The following CCDC15 variants were observed in gnomAD, a reference collection of about 807,000 sequenced individuals.
The protein encoded by CCDC15 is coiled-coil domain-containing protein 15.
A neutral mutation model predicts 114.5 loss-of-function variants in CCDC15; 105 were observed. That is an observed-to-expected ratio of 0.92 (90% CI 0.78 to 1.08). The LOEUF (loss-of-function observed/expected upper bound fraction) is 1.08. CCDC15 is among the 50% of genes least tolerant of loss of function. The pLI is 0.00. For synonymous variants in CCDC15, 334 were observed against 377.8 expected, an observed-to-expected ratio of 0.88 and a Z score of 1.34; for missense variants, 1,105 against 1,093.6, an observed-to-expected ratio of 1.01 and a Z score of -0.15.
intron 13 of CCDC15, among the ~76,000 whole-genome samples, chr11:125,023,069 GACTTATT>G (rs1948672881): frequency 7.2e-5 from 11 of 151,792 alleles, no homozygotes; most frequent in Admixed American, 6.6e-5. Context: ...TGCTTTTGAT[GACTTATT>G]TAACAAGTCT....
At chr11:124,956,805 G>A (rs1947559482) in intron 2 of CCDC15, among the ~76,000 whole-genome samples, 1 of 152,048 alleles carries the variant, frequency 6.6e-6, no homozygotes, top group African/African-American at 2.4e-5. Flanking sequence ...ATCTAGTCTG[G>A]GTATCCACCC....
intron 11 of CCDC15, among the ~76,000 whole-genome samples, chr11:125,000,799 T>G (rs1948466885): frequency 6.6e-6 from 1 of 152,222 alleles, no homozygotes; most frequent in Non-Finnish European, 1.5e-5. Flanking sequence ...TTGTGTTATA[T>G]AAAGTTGTTA....
chr11:124,987,628 CAGGACCAGAATTTTCTACCTA>C lies in CCDC15; in HGVS notation c.1417_1437del (p.Pro474_Leu480del). On this transcript the variant is annotated inframe_deletion, in exon 8 of 16. Coordinates refer to ENST00000344762, the MANE Select transcript of CCDC15 (RefSeq NM_025004.3). ...AGACCAAGATATTCTGCCAAAATAT[CAGGACCAGAATTTTCTACCTA>C]AGGACCAGAATTTTTTATCTAGAGA... 6.2e-7 allele frequency: 1 copy of C among 1,613,972 alleles called. No homozygotes were observed. Among genetic ancestry groups the C allele is most frequent in the Non-Finnish European group, 8.5e-7 (1 of 1,179,898 alleles).
At chr11:125,003,586 T>G (rs1057100332) in intron 11 of CCDC15, among the ~76,000 whole-genome samples, 1 of 152,184 alleles carries the variant, frequency 6.6e-6, no homozygotes, top group African/African-American at 2.4e-5. Context: ...AAGTGACCAC[T>G]TTAAAAGAAT....
chr11:124,959,058 C>T, intron 2 of CCDC15, 57 bp from the exon 3 acceptor site: 2 of 1,216,644 alleles, frequency 1.6e-6, no homozygotes, highest in Non-Finnish European at 2.3e-6. Context: ...TTTAAAACAG[C>T]CCTAATGGAC....
chr11:124,967,283 T>C (rs765728113), intron 4 of CCDC15, among the ~76,000 whole-genome samples: 45 of 152,250 alleles, frequency 3.0e-4, no homozygotes, highest in Admixed American at 7.2e-4. Flanking sequence ...CAATCAAACA[T>C]AGATTTGGTC....
chr11:124,993,831 G>A (rs1948312955), intron 11 of CCDC15, among the ~76,000 whole-genome samples: 1 of 152,156 alleles, frequency 6.6e-6, no homozygotes, highest in Admixed American at 6.5e-5. Context: ...ATGAATAACA[G>A]CTTACATTCA....
At chr11:124,989,384 A>G (rs1439365766) in intron 8 of CCDC15, among the ~76,000 whole-genome samples, 2 of 152,190 alleles carry the variant, frequency 1.3e-5, no homozygotes, top group Non-Finnish European at 2.9e-5. Context: ...TCCCTTCACA[A>G]AGCACAAGAA....
At chr11:125,021,951 C>CT (rs1470034476) in intron 13 of CCDC15, among the ~76,000 whole-genome samples, 1 of 151,838 alleles carries the variant, frequency 6.6e-6, no homozygotes, top group East Asian at 1.9e-4. Flanking sequence ...TTATCATTTA[C>CT]TTTTTTTACA....
intron 3 of CCDC15, 79 bp from the exon 4 acceptor site, chr11:124,959,731 ATCTTC>A: frequency 2.2e-6 from 2 of 920,432 alleles, no homozygotes; most frequent in Non-Finnish European, 1.5e-6. Context: ...CCAATTTAAA[ATCTTC>A]TGAACTGCTT....
chr11:124,959,786 T>C, intron 3 of CCDC15, 29 bp from the exon 4 acceptor site: 1 of 1,536,340 alleles, frequency 6.5e-7, no homozygotes. Flanking sequence ...GGGTAGAATG[T>C]TACTATCCCC....
At chr11:124,954,676 T>C in intron 1 of CCDC15, 48 bp from the exon 2 acceptor site, 1 of 1,568,832 alleles carries the variant, frequency 6.4e-7, no homozygotes, top group Non-Finnish European at 8.7e-7. Context: ...GGTTGAACTT[T>C]TAATGCAGTC....
intron 13 of CCDC15, among the ~76,000 whole-genome samples, chr11:125,034,235 T>A (rs971479525): frequency 6.6e-6 from 1 of 152,124 alleles, no homozygotes; most frequent in African/African-American, 2.4e-5. Context: ...GCAAAAAAAA[T>A]TCATCAGAGT....
At chr11:124,960,197 T>A (rs1947635441) in intron 4 of CCDC15, among the ~76,000 whole-genome samples, 194 bp downstream of exon 4, 1 of 151,884 alleles carries the variant, frequency 6.6e-6, no homozygotes, top group Admixed American at 6.6e-5. Context: ...TTAAAAATTT[T>A]AAATTTAAAT....
At chr11:124,959,080 C>T (rs1384020355) in intron 2 of CCDC15, 35 bp from the exon 3 acceptor site, 3 of 1,475,494 alleles carry the variant, frequency 2.0e-6, no homozygotes, top group Non-Finnish European at 2.7e-6. Context: ...AAACTGCTAA[C>T]ATTTAAGTTC....
chr11:124,982,429 C>G (rs139761682), intron 6 of CCDC15, among the ~76,000 whole-genome samples: 188 of 152,296 alleles, frequency 1.2e-3, no homozygotes, highest in African/African-American at 4.3e-3. Flanking sequence ...CAGTAATAGT[C>G]TTTCCTTTCC....
At chr11:124,993,887 G>T (rs1349574318) in intron 11 of CCDC15, among the ~76,000 whole-genome samples, 1 of 152,116 alleles carries the variant, frequency 6.6e-6, no homozygotes, top group Non-Finnish European at 1.5e-5. Context: ...TTTATATGAA[G>T]TATCTTATTT....
chr11:125,003,768 C>G (rs981193308), intron 11 of CCDC15, 99 bp from the exon 12 acceptor site: 17 of 652,666 alleles, frequency 2.6e-5, no homozygotes, highest in Non-Finnish European at 3.9e-5. Context: ...CAATTGAGCC[C>G]AAGTTTGCAA....
intron 4 of CCDC15, among the ~76,000 whole-genome samples, chr11:124,963,652 TC>T (rs1264257048): frequency 3.3e-5 from 5 of 152,236 alleles, no homozygotes; most frequent in Non-Finnish European, 5.9e-5. Flanking sequence ...TTTAATTAGA[TC>T]CCATTTGTCA....
Sources: allele counts gnomAD v4.1 joint callset (sites outside exome capture counted in the v4.1 genomes callset), GRCh38; gene constraint gnomAD v4.1.1; transcripts MANE v1.5; gene names NCBI Gene and HGNC (gene_info 2026-07-23, HGNC 2026-07-21).